The following WIPF2 variants were observed in gnomAD, a reference collection of about 807,000 sequenced individuals.
WIPF2 encodes the protein WAS/WASL-interacting protein family member 2.
A neutral mutation model predicts 38.8 loss-of-function variants in WIPF2; 23 were observed. The observed-to-expected ratio is 0.59, with a 90% CI of 0.43 to 0.84. The LOEUF is 0.84. WIPF2 is among the 40% of genes least tolerant of loss of function. The pLI, the probability that WIPF2 is intolerant of heterozygous loss-of-function variation, is 0.00. For synonymous variants in WIPF2, 210 were observed against 223.2 expected (o/e 0.94, Z 0.53); for missense variants, 574 against 580.5 (o/e 0.99, Z 0.11).
chr17:40,250,993 C>T (rs2031544308), intron 1 of WIPF2, among the ~76,000 whole-genome samples: 1 of 149,220 alleles, frequency 6.7e-6, no homozygotes, highest in Non-Finnish European at 1.5e-5. Flanking sequence ...GGCTCACTGC[C>T]AGCTCCGCCT....
chr17:40,266,209 G>T (rs909555102), intron 5 of WIPF2, among the ~76,000 whole-genome samples: 5 of 143,830 alleles, frequency 3.5e-5, no homozygotes, highest in African/African-American at 1.0e-4. Flanking sequence ...CTGCACTCCA[G>T]CCTGGGCGAC....
chr17:40,257,275 C>G (rs905506505), intron 2 of WIPF2, among the ~76,000 whole-genome samples: 3 of 152,068 alleles, frequency 2.0e-5, no homozygotes, highest in African/African-American at 7.2e-5. Context: ...CCGCGCCCGG[C>G]TTGAGGATTC....
At chr17:40,250,304 C>T (rs1259227386) in intron 1 of WIPF2, among the ~76,000 whole-genome samples, 2 of 130,776 alleles carry the variant, frequency 1.5e-5, no homozygotes, top group African/African-American at 5.8e-5. Flanking sequence ...ATTCTCGGCT[C>T]ACTGCAAGCT....
chr17:40,224,187 C>T lies in WIPF2; in HGVS notation c.-70+4695C>T, dbSNP rs566868113. On this transcript the variant is annotated intron_variant, in intron 1 of 7. Coordinates refer to ENST00000323571, the MANE Select transcript of WIPF2 (RefSeq NM_133264.5). ...CATATGGAGGCTCGGTGCTCCTGGGCGGACTTTTGGTACAGCCTGCTTATT... is the reference window on the plus strand; with the variant it reads ...CATATGGAGGCTCGGTGCTCCTGGGTGGACTTTTGGTACAGCCTGCTTATT... 1.7e-3 allele frequency among the ~76,000 whole-genome samples: 248 copies of T among 147,812 alleles called. 3 individuals are homozygous for T. The highest frequency in any genetic ancestry group is 4.0e-3 in the African/African-American group (162 of 40,174).
intron 4 of WIPF2, among the ~76,000 whole-genome samples, chr17:40,263,332 C>T (rs964879606): frequency 1.2e-4 from 18 of 151,820 alleles, no homozygotes; most frequent in Non-Finnish European, 2.4e-4. Context: ...GGGGTTCGCC[C>T]TCCTATGAGA....
rs60359132 is a variant in WIPF2, at chr17:40,248,163, C to CTTT, written c.-69-8203_-69-8201dup. On this transcript the variant is annotated intron_variant, in intron 1 of 7. Transcript: ENST00000323571. Reference sequence around the variant, plus strand: ...TTTAATAAAAATTTAAAAGTTATTTCTTTTTTTTTTTTTTTTTTTTTTTTT... The same window carrying CTTT: ...TTTAATAAAAATTTAAAAGTTATTTCTTTTTTTTTTTTTTTTTTTTTTTTTTTT... Among the ~76,000 whole-genome samples, 42 of 47,602 alleles carry CTTT rather than the reference C, an allele frequency of 8.8e-4. 4 individuals are homozygous for CTTT. The highest frequency in any genetic ancestry group is 1.7e-3 in the African/African-American group (21 of 12,076). 31.2% of individuals were successfully genotyped at this position (47,602 alleles called of 152,430 possible).
intron 1 of WIPF2, among the ~76,000 whole-genome samples, chr17:40,221,671 G>C (rs192529012): frequency 1 from 32,264 of 32,396 alleles, 16,066 homozygotes; most frequent in Middle Eastern, 1. Flanking sequence ...ACCTCTGCCT[G>C]CCGGATTCAA....
rs2031733084 is a variant in WIPF2 at position 40,256,443 on chromosome 17, C to T, written c.-17C>T. On this transcript the variant is annotated 5_prime_UTR_variant, in exon 2 of 8. Transcript: ENST00000323571. ...AAAGACGGAGAGAGAACAGTGCCAA[C>T]TGGGAGCAGGGCAAGAATGCCAATT... 6.2e-7 allele frequency: 1 copy of T among 1,606,998 alleles called. No homozygotes were observed. The highest frequency in any genetic ancestry group is 2.3e-5 in the East Asian group (1 of 44,352).
At chr17:40,254,297 A>G (rs1470155001) in intron 1 of WIPF2, among the ~76,000 whole-genome samples, 2 of 152,118 alleles carry the variant, frequency 1.3e-5, no homozygotes, top group Non-Finnish European at 2.9e-5. Flanking sequence ...GATTACAGGC[A>G]TGAGCCACCA....
In WIPF2 at chr17:40,250,414, AT is replaced by A. The variant is rs555271448; in HGVS notation, c.-69-5961del. ...CCCGGCTAATTTTTTGTATTTTTGT[AT>A]TTTTTTTTTTTTTTTAGTAGAGACA... On this transcript the variant is annotated intron_variant, in intron 1 of 7. Coordinates refer to ENST00000323571, the MANE Select transcript of WIPF2 (RefSeq NM_133264.5). Among the ~76,000 whole-genome samples the A allele has an allele frequency of 4.7e-3, 499 of 106,976 alleles. 1 individual carries two copies. Among genetic ancestry groups the A allele is most frequent in the Middle Eastern group, 6.3e-3 (1 of 160 alleles). The allele number at this position is 106,976 out of a possible 152,430, so 70.2% of individuals were successfully genotyped here.
Position 40,277,083 on chromosome 17 carries a change from A to C in WIPF2, c.1181A>C (p.Asp394Ala). ...DSITTVRSFLDDFESKYSFHP... is the reference protein window; with the variant it reads ...DSITTVRSFLADFESKYSFHP... Reference sequence around the variant, plus strand: ...AATTAATGTTCTATTCTTTTCGCAGATGATTTTGAGTCAAAGTATTCCTTC... The same window carrying C: ...AATTAATGTTCTATTCTTTTCGCAGCTGATTTTGAGTCAAAGTATTCCTTC... Residue 394 changes from aspartate to alanine, a missense_variant and splice_region_variant, in exon 7 of 8, where the codon GAT (aspartate) becomes GCT (alanine). Asp to Ala is a moderately radical substitution (Grantham distance 126, BLOSUM62 -2). Transcript: ENST00000323571. The C allele has an allele frequency of 6.2e-7, 1 of 1,609,994 alleles. No homozygotes were observed. Among genetic ancestry groups the C allele is most frequent in the Non-Finnish European group, 8.5e-7 (1 of 1,177,966 alleles).
In WIPF2 at chr17:40,282,643, C is replaced by T. The variant is rs921890621; in HGVS notation, c.*4418C>T. On this transcript the variant is annotated 3_prime_UTR_variant, in exon 8 of 8. Transcript: ENST00000323571. ...AGGTTGGATTCTTTGGTACATTTCTCTCTTCTGGATGCCATGCAGCTTAAT... is the reference window on the plus strand; with the variant it reads ...AGGTTGGATTCTTTGGTACATTTCTTTCTTCTGGATGCCATGCAGCTTAAT... The T allele has an allele frequency of 6.6e-6, 1 of 152,200 alleles. No homozygotes were observed. The highest frequency in any genetic ancestry group is 1.5e-5 in the Non-Finnish European group (1 of 68,036). The allele number at this position is 152,200 out of a possible 1,614,324, so 9.4% of individuals were successfully genotyped here.
At chr17:40,264,353 A>AAG (rs1567721853) in intron 4 of WIPF2, 137 bp from the exon 5 acceptor site, 1 of 588,396 alleles carries the variant, frequency 1.7e-6, no homozygotes, top group Non-Finnish European at 2.8e-6. Context: ...AAAAAAAAAA[A>AAG]GAAAAACAAA....
intron 1 of WIPF2, among the ~76,000 whole-genome samples, chr17:40,230,955 T>C (rs1373614183): frequency 2.0e-5 from 3 of 152,178 alleles, no homozygotes; most frequent in African/African-American, 7.2e-5. Context: ...TATATGAAAG[T>C]GTTTTTATCT....
At chr17:40,220,581 A>ATATATG (rs1384950159) in intron 1 of WIPF2, 7 of 49,870 alleles carry the variant, frequency 1.4e-4, no homozygotes, top group Non-Finnish European at 2.7e-4. Context: ...GTGTATATAT[A>ATATATG]TATATATATA....
At chr17:40,254,707 T>C (rs2031665612) in intron 1 of WIPF2, among the ~76,000 whole-genome samples, 1 of 152,104 alleles carries the variant, frequency 6.6e-6, no homozygotes, top group South Asian at 2.1e-4. Flanking sequence ...AGCCTGTTTT[T>C]GTATGGCCCA....
chr17:40,272,259 TCCTC>T (rs1037782442), intron 5 of WIPF2, among the ~76,000 whole-genome samples: 3 of 152,160 alleles, frequency 2.0e-5, no homozygotes, highest in African/African-American at 7.2e-5. Flanking sequence ...CCTCAGGTGA[TCCTC>T]CCGCCTCGGC....
At chr17:40,248,332 T>C (rs1480208975) in intron 1 of WIPF2, among the ~76,000 whole-genome samples, 1 of 151,632 alleles carries the variant, frequency 6.6e-6, no homozygotes, top group Non-Finnish European at 1.5e-5. Flanking sequence ...GCCTGGCTAA[T>C]TTTTTTTATA....
chr17:40,226,157 T>C (rs2030474079), intron 1 of WIPF2, among the ~76,000 whole-genome samples: 1 of 150,194 alleles, frequency 6.7e-6, no homozygotes, highest in African/African-American at 2.5e-5. Context: ...TGTGAAAACA[T>C]TCTCCATATG....
Sources: gnomAD v4.1 joint callset for allele counts (sites outside exome capture counted in the v4.1 genomes callset) on GRCh38, gnomAD v4.1.1 for gene constraint, MANE v1.5 for transcripts, NCBI Gene and HGNC (gene_info 2026-07-23, HGNC 2026-07-21) for gene names.